The following PARP6 variants were observed in gnomAD, a reference collection of about 807,000 sequenced individuals.
PARP6 encodes poly(ADP-ribose) polymerase family member 6, also known as protein mono-ADP-ribosyltransferase PARP6.
Under a neutral mutation model 92.0 loss-of-function variants are expected in PARP6, and 27 were observed. That is an observed-to-expected ratio of 0.29 (90% CI 0.22 to 0.40). PARP6 has a LOEUF of 0.40. Among genes scored for constraint, PARP6 ranks in the 10% least tolerant of loss-of-function variants. The probability of loss-of-function intolerance (pLI) is 1.00; values close to 1 mark genes in which losing one functional copy is unlikely to be tolerated. For synonymous variants in PARP6, 272 were observed against 281.2 expected, an observed-to-expected ratio of 0.97 and a Z score of 0.33; for missense variants, 501 against 784.5, an observed-to-expected ratio of 0.64 and a Z score of 4.32.
Position 72,241,448 on chromosome 15 carries a change from G to A in PARP6, c.*7C>T, listed in dbSNP as rs2083043181. 3.1e-6 allele frequency: 5 copies of A among 1,609,446 alleles called. No individual in the cohort carries two copies. In the East Asian group the frequency reaches 1.1e-4, roughly 36 times the overall value. Reference sequence around the variant, plus strand: ...GTAACAGGGGTGGTACGAGGGCTGGGGCCCCCTCAGTTTGTGTAAACCTGA... The same window carrying A: ...GTAACAGGGGTGGTACGAGGGCTGGAGCCCCCTCAGTTTGTGTAAACCTGA... On this transcript the variant is annotated 3_prime_UTR_variant, in exon 24 of 24. Coordinates refer to ENST00000569795, the MANE Select transcript of PARP6 (RefSeq NM_001323532.2). The surrounding 1 kb of genome is among the most constrained non-coding windows in gnomAD (Gnocchi z 4.1).
At chr15:72,267,956 T>C (rs1197040224) in intron 2 of PARP6, among the ~76,000 whole-genome samples, 1 of 152,214 alleles carries the variant, frequency 6.6e-6, no homozygotes, top group Non-Finnish European at 1.5e-5. Flanking sequence ...TTCACCACAT[T>C]GGCCAGGCTG....
chr15:72,256,857 G>A (rs1009599846), intron 13 of PARP6, among the ~76,000 whole-genome samples: 2 of 152,032 alleles, frequency 1.3e-5, no homozygotes, highest in African/African-American at 4.8e-5. Context: ...TTTTCCTACG[G>A]AAATATTTTC....
chr15:72,266,719 G>A (rs4776589), intron 4 of PARP6, 26 bp downstream of exon 4: 184,253 of 1,541,662 alleles, frequency 0.12, 13,314 homozygotes, highest in East Asian at 0.38. Flanking sequence ...CATCCAACAC[G>A]GGGGTCTTGG....
In PARP6 at chr15:72,250,525, C is replaced by T. The variant is rs1195357892; in HGVS notation, c.1418+320G>A. ...CTTTAATACCTCTCTTTCTCTTTCC[C>T]TCCTCTCAAAATTAGGCATAAATTG... On this transcript the variant is annotated intron_variant, in intron 18 of 23. Coordinates refer to ENST00000569795, the MANE Select transcript of PARP6 (RefSeq NM_001323532.2). 1.2e-5 allele frequency: 4 copies of T among 341,960 alleles called. No homozygotes were observed. The East Asian group carries it at 2.4e-4, about 21-fold the overall frequency. 21.2% of individuals were successfully genotyped at this position (341,960 alleles called of 1,614,324 possible).
intron 14 of PARP6, among the ~76,000 whole-genome samples, chr15:72,256,012 T>C (rs988117674): frequency 2.0e-5 from 3 of 151,776 alleles, no homozygotes; most frequent in African/African-American, 7.3e-5. Flanking sequence ...TTAGCCAGGA[T>C]GGTCTCGATC....
chr15:72,254,358 A>G (rs945425328), intron 15 of PARP6, 97 bp downstream of exon 15: 3 of 831,308 alleles, frequency 3.6e-6, no homozygotes. Flanking sequence ...AGTGCGTAGC[A>G]TCTCTAAATC....
At chr15:72,251,316 C>CT (rs2084322135) in intron 16 of PARP6, 61 bp from the exon 17 acceptor site, 1 of 961,650 alleles carries the variant, frequency 1.0e-6, no homozygotes, top group East Asian at 2.5e-5. Context: ...GCTATCCTTT[C>CT]TGAACAAGCC....
At chr15:72,257,965 G>C (rs1567206426) in intron 12 of PARP6, 72 bp downstream of exon 12, 1 of 1,070,244 alleles carries the variant, frequency 9.3e-7, no homozygotes, top group Admixed American at 1.7e-5. Context: ...ACAGACCAAG[G>C]AAGAAGGAAA....
intron 8 of PARP6, among the ~76,000 whole-genome samples, chr15:72,263,696 C>G (rs1166586384): frequency 6.6e-6 from 1 of 152,132 alleles, no homozygotes; most frequent in Admixed American, 6.5e-5. Flanking sequence ...CAGAATCTGT[C>G]TACATGGACA....
Position 72,260,650 on chromosome 15 carries a change from T to C in PARP6, c.584A>G (p.Lys195Arg). 6.2e-7 allele frequency: 1 copy of C among 1,614,136 alleles called. No individual in the cohort carries two copies. The highest frequency in any genetic ancestry group is 8.5e-7 in the Non-Finnish European group (1 of 1,180,000). The change falls in exon 10 of 24, where the codon AAA (lysine) becomes AGA (arginine). Residue 195 changes from lysine (K) to arginine (R), a missense_variant. Physicochemically the swap from Lys to Arg is conservative, Grantham distance 26 (BLOSUM62 2). Around this residue, in one of 4 missense-constraint regions of PARP6, gnomAD observed 291 missense variants for 352.0 expected, o/e 0.83. Coordinates refer to ENST00000569795, the MANE Select transcript of PARP6 (RefSeq NM_001323532.2). The part of the protein sequence containing the change: ...SFPIIQDSML[K>R]GKLGVPELRV... Reference sequence around the variant, plus strand: ...AAGCTCTGGTACACCTAGTTTGCCTTTCAGCATGGAGTCCTGTATGATAGG... The same window carrying C: ...AAGCTCTGGTACACCTAGTTTGCCTCTCAGCATGGAGTCCTGTATGATAGG...
intron 2 of PARP6, among the ~76,000 whole-genome samples, chr15:72,270,228 G>A (rs1015243361): frequency 1.3e-5 from 2 of 151,948 alleles, no homozygotes; most frequent in African/African-American, 2.4e-5. Flanking sequence ...GGAATGACCC[G>A]ATTACTGAGA....
chr15:72,270,297 A>G (rs991000779), intron 2 of PARP6, among the ~76,000 whole-genome samples: 3 of 152,246 alleles, frequency 2.0e-5, no homozygotes, highest in Non-Finnish European at 2.9e-5. Flanking sequence ...TAACAGATGA[A>G]ATAAATACAG....
intron 10 of PARP6, 76 bp from the exon 11 acceptor site, chr15:72,259,737 C>T: frequency 8.2e-7 from 1 of 1,222,472 alleles, no homozygotes; most frequent in Non-Finnish European, 1.2e-6. Context: ...TCTTGCCTAT[C>T]ACCTAGGACT....
intron 16 of PARP6, among the ~76,000 whole-genome samples, chr15:72,252,214 A>G (rs76336122): frequency 0.021 from 3,135 of 152,324 alleles, 100 homozygotes; most frequent in African/African-American, 0.072. Flanking sequence ...AGACAGGGCA[A>G]GGGGATAGCA....
chr15:72,253,034 C>G (rs991425505), intron 16 of PARP6, among the ~76,000 whole-genome samples: 1 of 151,472 alleles, frequency 6.6e-6, no homozygotes, highest in Non-Finnish European at 1.5e-5. Flanking sequence ...AAAAAATTAG[C>G]TGGGTGTGGT....
chr15:72,256,970 T>C (rs567145704), intron 13 of PARP6, among the ~76,000 whole-genome samples: 2 of 152,260 alleles, frequency 1.3e-5, no homozygotes, highest in South Asian at 2.1e-4. Flanking sequence ...CTCGACCTCC[T>C]GAGCTCAAGC....
At chr15:72,248,445 G>A (rs141506419) in intron 20 of PARP6, among the ~76,000 whole-genome samples, 2,168 of 151,932 alleles carry the variant, frequency 0.014, 67 homozygotes, top group Admixed American at 0.058. Flanking sequence ...GGGTTCAAGC[G>A]ATTCTCCTGC....
intron 15 of PARP6, chr15:72,254,130 T>TCCTCACCCTCCCAA (rs1037369448): frequency 4.2e-6 from 2 of 476,906 alleles, no homozygotes; most frequent in African/African-American, 2.0e-5. Flanking sequence ...GCCCCCCTCC[T>TCCTCACCCTCCCAA]CCTCACCCTC....
At chr15:72,264,528 A>G (rs2086312115) in intron 8 of PARP6, 27 bp downstream of exon 8, 2 of 1,573,616 alleles carry the variant, frequency 1.3e-6, no homozygotes, top group Non-Finnish European at 1.7e-6. Context: ...TCACATGTCC[A>G]TGACCAGAAA....
Sources: allele counts gnomAD v4.1 joint callset (sites outside exome capture counted in the v4.1 genomes callset), GRCh38; gene constraint gnomAD v4.1.1; regional missense constraint gnomAD v4.1.1; non-coding constraint Gnocchi (gnomAD v3.1); transcripts MANE v1.5; gene names NCBI Gene and HGNC (gene_info 2026-07-23, HGNC 2026-07-21).